The following GNA14 variants were observed in gnomAD, a reference collection of about 807,000 sequenced individuals.
GNA14 encodes G protein subunit alpha 14, also known as guanine nucleotide-binding protein subunit alpha-14.
A neutral mutation model predicts 42.0 loss-of-function variants in GNA14; 50 were observed. The ratio of observed to expected loss-of-function variants is 1.19; its 90% CI spans 0.95 to 1.51. The LOEUF (loss-of-function observed/expected upper bound fraction) is 1.51. GNA14 is among the 40% of genes most tolerant of loss of function. GNA14 has a pLI of 0.00. For missense variants in GNA14, 473 were observed against 446.2 expected, an observed-to-expected ratio of 1.06 and a Z score of -0.54; for synonymous variants, 173 against 163.1, an observed-to-expected ratio of 1.06 and a Z score of -0.46.
intron 1 of GNA14, among the ~76,000 whole-genome samples, chr9:77,604,774 TGCAAGG>T (rs577634838): frequency 1.6e-3 from 251 of 152,328 alleles, no homozygotes; most frequent in Admixed American, 4.8e-3. Context: ...ATGGGGTTGT[TGCAAGG>T]ACCAAACTAG....
chr9:77,588,300 G>A (rs777102298), intron 1 of GNA14, among the ~76,000 whole-genome samples: 4 of 152,146 alleles, frequency 2.6e-5, no homozygotes, highest in Non-Finnish European at 5.9e-5. Context: ...TCTTCCTTCA[G>A]TTAGCCAGTG....
intron 2 of GNA14, among the ~76,000 whole-genome samples, chr9:77,470,854 A>G (rs1836317983): frequency 6.6e-6 from 1 of 152,168 alleles, no homozygotes; most frequent in Non-Finnish European, 1.5e-5. Flanking sequence ...AGAGAGAGCC[A>G]AGGGAGAAGT....
intron 2 of GNA14, among the ~76,000 whole-genome samples, chr9:77,460,935 C>T (rs1027743580): frequency 6.6e-6 from 1 of 152,190 alleles, no homozygotes; most frequent in Non-Finnish European, 1.5e-5. Flanking sequence ...ACCAAATCAA[C>T]CCAGTGGGAT....
At chr9:77,440,755 C>T (rs977187858) in intron 2 of GNA14, among the ~76,000 whole-genome samples, 2 of 151,916 alleles carry the variant, frequency 1.3e-5, no homozygotes, top group African/African-American at 4.8e-5. Context: ...CTTGCTCTGT[C>T]CCCAGGCTGG....
At chr9:77,622,250 C>T (rs1823937704) in intron 1 of GNA14, among the ~76,000 whole-genome samples, 1 of 152,096 alleles carries the variant, frequency 6.6e-6, no homozygotes, top group South Asian at 2.1e-4. Flanking sequence ...TTAACAACAA[C>T]AACAAGAAGA....
At chr9:77,618,603 TATATATATATATA>T (rs1225539098) in intron 1 of GNA14, among the ~76,000 whole-genome samples, 9 of 12,278 alleles carry the variant, frequency 7.3e-4, no homozygotes, top group Admixed American at 1.5e-3. Context: ...TATATATATA[TATATATATATATA>T]TATATTTTTT....
chr9:77,511,270 T>G (rs1243260094), intron 2 of GNA14, among the ~76,000 whole-genome samples: 1 of 152,082 alleles, frequency 6.6e-6, no homozygotes, highest in Non-Finnish European at 1.5e-5. Context: ...GCCATAAAGG[T>G]ACAATTTCAA....
chr9:77,546,875 A>C (rs1322302974), intron 1 of GNA14, among the ~76,000 whole-genome samples: 1 of 152,126 alleles, frequency 6.6e-6, no homozygotes, highest in Non-Finnish European at 1.5e-5. Context: ...CAGGATGACC[A>C]TATCTTCTGG....
chr9:77,464,289 C>G (rs1285119187), intron 2 of GNA14, among the ~76,000 whole-genome samples: 1 of 151,962 alleles, frequency 6.6e-6, no homozygotes, highest in Non-Finnish European at 1.5e-5. Flanking sequence ...GCATGAGCCA[C>G]CATGCCCGGC....
chr9:77,561,311 A>G (rs1564053997), intron 1 of GNA14, among the ~76,000 whole-genome samples: 1 of 152,314 alleles, frequency 6.6e-6, no homozygotes, highest in East Asian at 1.9e-4. Context: ...CAATCAAACT[A>G]ATTTGTTCCC....
rs1365347448 is a variant in GNA14 at position 77,482,232 on chromosome 9, T to C, written c.309+46837A>G. 3.9e-5 allele frequency among the ~76,000 whole-genome samples: 6 copies of C among 151,976 alleles called. 1 individual carries two copies. The highest frequency in any genetic ancestry group is 1.4e-4 in the African/African-American group (6 of 41,556). On this transcript the variant is annotated intron_variant, in intron 2 of 6. Coordinates refer to ENST00000341700, the MANE Select transcript of GNA14 (RefSeq NM_004297.4). ...TTAGTGCTTCCTTCAGGAGCTCTTT[T>C]AGGGCAGGCCTGGTGGTGACAAAAT...
intron 1 of GNA14, among the ~76,000 whole-genome samples, chr9:77,578,110 C>A (rs1443144507): frequency 3.9e-5 from 6 of 151,962 alleles, no homozygotes; most frequent in African/African-American, 1.5e-4. Flanking sequence ...TCCGTCTCTA[C>A]TAAAAAAATA....
intron 1 of GNA14, 140 bp downstream of exon 1, chr9:77,647,530 C>T (rs1367741624): frequency 1.1e-6 from 1 of 949,264 alleles, no homozygotes; most frequent in Non-Finnish European, 1.5e-6. Flanking sequence ...TTGCTGGCAT[C>T]CGTGAGCTCC....
rs1307392842 is a variant in GNA14 at position 77,426,457 on chromosome 9, AC to A, written c.724-743del. Among the ~76,000 whole-genome samples, 6 of 152,098 alleles carry A rather than the reference AC, an allele frequency of 3.9e-5. No homozygotes were observed. The East Asian group carries it at 1.2e-3, about 29-fold the overall frequency. ...GTGGCTGGGACCACAGGTGCATACC[AC>A]CACACCCGGCTAATTTTTTGTATTT... On this transcript the variant is annotated intron_variant, in intron 5 of 6. Coordinates refer to ENST00000341700, the MANE Select transcript of GNA14 (RefSeq NM_004297.4).
At chr9:77,482,553 G>A (rs1350496193) in intron 2 of GNA14, among the ~76,000 whole-genome samples, 2 of 152,078 alleles carry the variant, frequency 1.3e-5, no homozygotes, top group African/African-American at 4.8e-5. Flanking sequence ...TCGTCTTGAA[G>A]AGTATCTTTG....
chr9:77,506,179 G>C (rs1837065536), intron 2 of GNA14, among the ~76,000 whole-genome samples: 1 of 151,766 alleles, frequency 6.6e-6, no homozygotes, highest in African/African-American at 2.4e-5. Context: ...CTACTTGGGA[G>C]GCTGAGGTGG....
chr9:77,480,917 C>T (rs1272661324), intron 2 of GNA14, among the ~76,000 whole-genome samples: 3 of 151,814 alleles, frequency 2.0e-5, no homozygotes, highest in Non-Finnish European at 4.4e-5. Context: ...TTTTTTATTG[C>T]GTCTATTTGA....
intron 1 of GNA14, among the ~76,000 whole-genome samples, chr9:77,603,732 G>A (rs984929395): frequency 5.9e-5 from 9 of 152,014 alleles, no homozygotes; most frequent in South Asian, 2.1e-4. Flanking sequence ...TTGGGAGGCC[G>A]AGGAGGGCAG....
chr9:77,573,761 T>C (rs1158835575), intron 1 of GNA14, among the ~76,000 whole-genome samples: 1 of 152,174 alleles, frequency 6.6e-6, no homozygotes, highest in Non-Finnish European at 1.5e-5. Context: ...GCTTAAGCAC[T>C]ACCCTTTGTT....
Sources: allele counts gnomAD v4.1 joint callset (sites outside exome capture counted in the v4.1 genomes callset), GRCh38; gene constraint gnomAD v4.1.1; transcripts MANE v1.5; gene names NCBI Gene and HGNC (gene_info 2026-07-23, HGNC 2026-07-21).